The following DLG2 variants were observed in gnomAD, a reference collection of about 807,000 sequenced individuals.
DLG2 encodes disks large homolog 2.
A neutral mutation model predicts 132.5 loss-of-function variants in DLG2; 45 were observed. That is an observed-to-expected ratio of 0.34 (90% CI 0.27 to 0.44). The LOEUF (loss-of-function observed/expected upper bound fraction) is 0.44. DLG2 is among the 20% of genes least tolerant of loss of function. DLG2 has a pLI of 1.00. For missense variants in DLG2, 1,045 were observed against 1,196.9 expected (o/e 0.87, Z 1.87); for synonymous variants, 424 against 419.6 (o/e 1.01, Z -0.13).
intron 7 of DLG2, among the ~76,000 whole-genome samples, chr11:84,410,265 T>G (rs2098892808): frequency 6.6e-6 from 1 of 152,112 alleles, no homozygotes; most frequent in South Asian, 2.1e-4. Context: ...GTCACATACC[T>G]GGTTAGGCAT....
intron 3 of DLG2, among the ~76,000 whole-genome samples, chr11:85,312,434 C>A (rs971807887): frequency 1.3e-5 from 2 of 150,600 alleles, no homozygotes; most frequent in African/African-American, 2.4e-5. Context: ...ATGTAATATA[C>A]AATTATATTT....
intron 4 of DLG2, among the ~76,000 whole-genome samples, chr11:85,284,731 T>A (rs1038844054): frequency 6.6e-6 from 1 of 151,652 alleles, no homozygotes; most frequent in East Asian, 1.9e-4. Flanking sequence ...TTACTACTAA[T>A]ATATAAGTTA....
chr11:83,507,863 A>T lies in DLG2; in HGVS notation c.2194-23635T>A, dbSNP rs1040779821. ...CAAGGTCCCACAAAAGGCCATCTGC[A>T]AGCTGAGGAGGAAAGACAGCCAATC... On this transcript the variant is annotated intron_variant, in intron 21 of 27. Coordinates refer to ENST00000376104, the MANE Select transcript of DLG2 (RefSeq NM_001142699.3). 2.7e-5 allele frequency among the ~76,000 whole-genome samples: 4 copies of T among 148,692 alleles called. No homozygotes were observed. In the East Asian group the frequency reaches 6.1e-4, roughly 23 times the overall value.
intron 7 of DLG2, among the ~76,000 whole-genome samples, chr11:84,510,366 G>A (rs1396497433): frequency 6.6e-6 from 1 of 151,956 alleles, no homozygotes; most frequent in Admixed American, 6.6e-5. Context: ...GTAAAAGTGA[G>A]TTTAGAAACA....
chr11:84,419,934 C>T (rs1007570361), intron 7 of DLG2, among the ~76,000 whole-genome samples: 8 of 152,208 alleles, frequency 5.3e-5, no homozygotes, highest in Non-Finnish European at 1.2e-4. Flanking sequence ...GATAACCACA[C>T]CAGTGTTAAT....
At chr11:84,371,065 T>G (rs182888855) in intron 7 of DLG2, among the ~76,000 whole-genome samples, 1 of 152,120 alleles carries the variant, frequency 6.6e-6, no homozygotes, top group Non-Finnish European at 1.5e-5. Flanking sequence ...TTTGTCGCTT[T>G]AGATCTAAAG....
chr11:85,446,425 T>A (rs369469167), intron 3 of DLG2, among the ~76,000 whole-genome samples: 45 of 152,314 alleles, frequency 3.0e-4, no homozygotes, highest in Admixed American at 8.5e-4. Context: ...TTATATTCTT[T>A]TTCAAATAAC....
chr11:83,487,861 C>T (rs2093615082), intron 21 of DLG2, among the ~76,000 whole-genome samples: 1 of 151,848 alleles, frequency 6.6e-6, no homozygotes, highest in Non-Finnish European at 1.5e-5. Flanking sequence ...GGTAATTGCC[C>T]ATTAACTGGC....
At chr11:83,742,508 T>C (rs1046906838) in intron 18 of DLG2, among the ~76,000 whole-genome samples, 14 of 151,982 alleles carry the variant, frequency 9.2e-5, no homozygotes, top group Non-Finnish European at 1.6e-4. Context: ...GATTCAGGAG[T>C]CCTTGACTTT....
At chr11:85,523,482 T>A (rs886704822) in intron 3 of DLG2, among the ~76,000 whole-genome samples, 2 of 152,144 alleles carry the variant, frequency 1.3e-5, no homozygotes, top group Non-Finnish European at 2.9e-5. Flanking sequence ...CATGAAAAGG[T>A]ACTCAACATC....
At chr11:84,032,407 C>G (rs1034842852) in intron 11 of DLG2, among the ~76,000 whole-genome samples, 1 of 152,186 alleles carries the variant, frequency 6.6e-6, no homozygotes, top group Non-Finnish European at 1.5e-5. Flanking sequence ...CCACACCAGT[C>G]TCTTAAGCTA....
intron 4 of DLG2, among the ~76,000 whole-genome samples, chr11:85,171,387 G>T (rs957709990): frequency 2.0e-5 from 3 of 152,118 alleles, no homozygotes; most frequent in Non-Finnish European, 4.4e-5. Flanking sequence ...GTTTCCCCAT[G>T]GATCTTTGCA....
At chr11:84,663,752 T>C (rs963839503) in intron 6 of DLG2, among the ~76,000 whole-genome samples, 1 of 152,218 alleles carries the variant, frequency 6.6e-6, no homozygotes, top group African/African-American at 2.4e-5. Flanking sequence ...AGGCCCCTTA[T>C]ATCTGGACCC....
At chr11:83,679,319 T>C (rs1045075454) in intron 18 of DLG2, among the ~76,000 whole-genome samples, 11 of 152,176 alleles carry the variant, frequency 7.2e-5, no homozygotes, top group African/African-American at 2.7e-4. Context: ...TTTACTAGTA[T>C]TGTCAGGTAT....
intron 7 of DLG2, among the ~76,000 whole-genome samples, chr11:84,257,679 ATTTT>A (rs1172548999): frequency 2.2e-4 from 23 of 105,898 alleles, no homozygotes; most frequent in African/African-American, 4.4e-4. Context: ...TTATCTCTGG[ATTTT>A]TTTTTTTTTT....
chr11:85,473,559 T>C (rs1032569253), intron 3 of DLG2, among the ~76,000 whole-genome samples: 7 of 152,066 alleles, frequency 4.6e-5, no homozygotes, highest in Non-Finnish European at 8.8e-5. Flanking sequence ...TGAGTATATC[T>C]GAAAAAGTAT....
chr11:83,486,396 C>A, intron 21 of DLG2: 1 of 560,638 alleles, frequency 1.8e-6, no homozygotes. Flanking sequence ...AAAACAATGC[C>A]AAGAGGAGTA....
intron 18 of DLG2, among the ~76,000 whole-genome samples, chr11:83,712,816 G>GGGGCACGGGCACACAGGGGCACGGGGCAC (rs1566656990): frequency 3.9e-5 from 6 of 152,004 alleles, no homozygotes; most frequent in African/African-American, 1.5e-4. Context: ...TGTCAGTGGG[G>GGGGCACGGGCACACAGGGGCACGGGGCAC]ACAGGGGCAC....
At chr11:85,250,462 C>A (rs2076343543) in intron 4 of DLG2, among the ~76,000 whole-genome samples, 1 of 152,012 alleles carries the variant, frequency 6.6e-6, no homozygotes, top group Admixed American at 6.6e-5. Flanking sequence ...AGAAGTTAAT[C>A]CTTTTAAAAG....
Sources: gnomAD v4.1 joint callset for allele counts (sites outside exome capture counted in the v4.1 genomes callset) on GRCh38, gnomAD v4.1.1 for gene constraint, MANE v1.5 for transcripts, NCBI Gene and HGNC (gene_info 2026-07-23, HGNC 2026-07-21) for gene names.